The following PIR variants were observed in gnomAD, a reference collection of about 807,000 sequenced individuals.
PIR encodes the protein pirin.
In PIR, 22 loss-of-function variants were observed where a neutral mutation model predicts 24.2. The ratio of observed to expected loss-of-function variants is 0.91; its 90% confidence interval spans 0.65 to 1.30. The LOEUF is 1.30. PIR is among the 50% of genes most tolerant of loss of function. The probability of loss-of-function intolerance (pLI) is 0.00; values close to 1 mark genes in which losing one functional copy is unlikely to be tolerated. For synonymous variants in PIR, 80 were observed against 79.6 expected (o/e 1.00, Z -0.03); for missense variants, 220 against 220.3 (o/e 1.00, Z 0.01).
intron 5 of PIR, among the ~76,000 whole-genome samples, chrX:15,445,548 TAAAAC>T (rs1414941979): frequency 2.7e-5 from 3 of 111,801 alleles, no homozygotes; most frequent in East Asian, 2.8e-4. Flanking sequence ...AATTAAAAAA[TAAAAC>T]AAAGAGAGCA....
chrX:15,427,645 A>T (rs1272905983), intron 5 of PIR, among the ~76,000 whole-genome samples: 1 of 110,057 alleles, frequency 9.1e-6, no homozygotes, highest in African/African-American at 3.3e-5. Flanking sequence ...TTGACAGTAG[A>T]TATATGTATA....
In PIR at chrX:15,384,846, T is replaced by C. The variant is rs758782250; in HGVS notation, c.*158A>G. 2.3e-5 allele frequency: 8 copies of C among 342,508 alleles called. No homozygotes were observed. The East Asian group carries it at 2.8e-4, about 12-fold the overall frequency. The allele number at this position is 342,508 out of a possible 1,213,427, so 28.2% of individuals were successfully genotyped here. ...GTTTATTTGCATGTGCCAGGAAATA[T>C]CCTACATTTATTGTTACAAAAACCA... On this transcript the variant is annotated 3_prime_UTR_variant, in exon 10 of 10. Transcript: ENST00000380420.
In PIR at chrX:15,410,422, C is replaced by T. The variant is rs560217510; in HGVS notation, c.566-2872G>A. ...ATTTATACAACGAATCCTCTATTCA[C>T]GGTTTAAAGGTATTAAAAAGTGGTT... On this transcript the variant is annotated intron_variant, in intron 6 of 9. Coordinates refer to ENST00000380420, the MANE Select transcript of PIR (RefSeq NM_001018109.3). 2.1e-4 allele frequency among the ~76,000 whole-genome samples: 24 copies of T among 111,794 alleles called. No homozygotes were observed. In the South Asian group the frequency reaches 3.0e-3, roughly 14 times the overall value.
At chrX:15,491,124 TGAAAA>T (rs1286491695) in intron 2 of PIR, 33 bp downstream of exon 2, 2 of 961,614 alleles carry the variant, frequency 2.1e-6, no homozygotes, top group Admixed American at 4.5e-5. Context: ...CAGTCCCTTC[TGAAAA>T]GAAAACAAGG....
At chrX:15,485,132 C>T (rs1323589981) in intron 2 of PIR, among the ~76,000 whole-genome samples, 2 of 112,517 alleles carry the variant, frequency 1.8e-5, no homozygotes, top group African/African-American at 3.2e-5. Flanking sequence ...ATCCCAATTT[C>T]AGTGCCAATT....
intron 1 of PIR, among the ~76,000 whole-genome samples, chrX:15,491,929 G>A (rs149438787): frequency 1.1e-4 from 12 of 110,477 alleles, no homozygotes; most frequent in Non-Finnish European, 2.1e-4. Flanking sequence ...TATCCCCATC[G>A]TTAAGTGAAG....
Position 15,407,474 on chromosome X carries a change from A to G in PIR, c.610+32T>C, listed in dbSNP as rs529697458. 9.9e-6 allele frequency: 11 copies of G among 1,110,523 alleles called. No homozygotes were observed. The South Asian group carries it at 1.1e-4, about 11-fold the overall frequency. 91.5% of individuals were successfully genotyped at this position (1,110,523 alleles called of 1,213,427 possible). ...CTTCAGTAGTTTAAATTAAATTGCA[A>G]TTGAGCCCTAAGTGACACAGCCATA... On this transcript the variant is annotated intron_variant, in intron 7 of 9. Coordinates refer to ENST00000380420, the MANE Select transcript of PIR (RefSeq NM_001018109.3).
chrX:15,486,276 GAGAC>G (rs1922807323), intron 2 of PIR, among the ~76,000 whole-genome samples: 1 of 41,928 alleles, frequency 2.4e-5, no homozygotes, highest in South Asian at 9.5e-4. Flanking sequence ...TGAGCCGAGG[GAGAC>G]AGAGTGAGAC....
intron 5 of PIR, among the ~76,000 whole-genome samples, chrX:15,446,683 A>G (rs1394223928): frequency 1.8e-5 from 2 of 110,834 alleles, no homozygotes; most frequent in Non-Finnish European, 3.8e-5. Context: ...CTGCTTTCCC[A>G]TTAGCCTGCC....
chrX:15,490,873 T>C (rs1411208363), intron 2 of PIR, among the ~76,000 whole-genome samples: 1 of 112,192 alleles, frequency 8.9e-6, no homozygotes, highest in Non-Finnish European at 1.9e-5. Flanking sequence ...ATATGCATGC[T>C]GAGGCAGATA....
chrX:15,429,334 G>C (rs1304545111), intron 5 of PIR: 1 of 111,705 alleles, frequency 9.0e-6, no homozygotes, highest in East Asian at 2.8e-4. Flanking sequence ...CTTTAATAAA[G>C]CCACAAAATA....
At chrX:15,488,843 G>A (rs7052755) in intron 2 of PIR, among the ~76,000 whole-genome samples, 47,269 of 110,088 alleles carry the variant, frequency 0.43, 7,346 homozygotes, top group East Asian at 0.45. Flanking sequence ...AGAACTCAGA[G>A]GGGTTGTAAA....
chrX:15,409,244 G>A (rs777789607), intron 6 of PIR, among the ~76,000 whole-genome samples: 4 of 94,298 alleles, frequency 4.2e-5, no homozygotes, highest in East Asian at 3.1e-4. Flanking sequence ...GACTACAGGC[G>A]CCCGCCACCA....
chrX:15,459,765 A>C (rs1320363038), intron 3 of PIR, 25 bp from the exon 4 acceptor site: 5 of 892,543 alleles, frequency 5.6e-6, no homozygotes, highest in Non-Finnish European at 8.2e-6. Context: ...CAGGAAAAAA[A>C]GTAGATCCTT....
chrX:15,470,102 A>T (rs898148005), intron 3 of PIR, among the ~76,000 whole-genome samples: 4 of 112,048 alleles, frequency 3.6e-5, no homozygotes, highest in African/African-American at 1.3e-4. Flanking sequence ...GTAGCAAAAA[A>T]GAGTGGACAA....
At position 15,417,266 on chromosome X, in the gene PIR, C is replaced by T. The variant is rs780126617; in HGVS notation, c.565+8640G>A. On this transcript the variant is annotated intron_variant, in intron 6 of 9. Transcript: ENST00000380420. ...CGCCAGCTCCGGCTGACACTTTGAT[C>T]GTGGCCTTGTAACAGTACACAGCTA... Among the ~76,000 whole-genome samples the T allele has an allele frequency of 2.8e-4, 31 of 112,229 alleles. 1 individual carries two copies. Among genetic ancestry groups the T allele is most frequent in the Admixed American group, 1.3e-3 (14 of 10,605 alleles).
At chrX:15,428,946 T>C (rs1168222739) in intron 5 of PIR, among the ~76,000 whole-genome samples, 1 of 112,289 alleles carries the variant, frequency 8.9e-6, no homozygotes, top group East Asian at 2.8e-4. Context: ...AGAAAAGTAA[T>C]GTTTTCCTCC....
At chrX:15,470,413 T>G (rs376588027) in intron 3 of PIR, among the ~76,000 whole-genome samples, 2 of 111,551 alleles carry the variant, frequency 1.8e-5, no homozygotes, top group African/African-American at 6.5e-5. Context: ...TTGTTAATAG[T>G]GTGGACAATT....
chrX:15,445,790 T>G, intron 5 of PIR, among the ~76,000 whole-genome samples: 1 of 106,927 alleles, frequency 9.4e-6, no homozygotes, highest in East Asian at 2.9e-4. Context: ...CTAGCCCAGG[T>G]GAAACGTCAT....
Sources: gnomAD v4.1 joint callset for allele counts (sites outside exome capture counted in the v4.1 genomes callset) on GRCh38, gnomAD v4.1.1 for gene constraint, MANE v1.5 for transcripts, NCBI Gene and HGNC (gene_info 2026-07-23, HGNC 2026-07-21) for gene names.